The following SLC25A48 variants were observed in gnomAD, a reference collection of about 807,000 sequenced individuals.
The protein encoded by SLC25A48 is solute carrier family 25 member 48, also known as CTC-321K16.1.
Under a neutral mutation model 32.2 loss-of-function variants are expected in SLC25A48, and 29 were observed. The ratio of observed to expected loss-of-function variants is 0.90; its 90% CI spans 0.67 to 1.23. The LOEUF is 1.23. Ranked by LOEUF, SLC25A48 falls within the 50% of genes most tolerant of loss-of-function variation. The pLI, the probability that SLC25A48 is intolerant of heterozygous loss-of-function variation, is 0.00. For missense variants in SLC25A48, 399 were observed against 422.7 expected (o/e 0.94, Z 0.49); for synonymous variants, 164 against 172.3 (o/e 0.95, Z 0.38).
intron 3 of SLC25A48, among the ~76,000 whole-genome samples, chr5:135,677,241 C>G (rs1753793028): frequency 6.6e-6 from 1 of 152,026 alleles, no homozygotes. Flanking sequence ...TTTTATCAGA[C>G]ATAAGTAAAG....
chr5:135,804,732 C>A (rs189231026), intron 3 of SLC25A48, among the ~76,000 whole-genome samples: 22 of 151,360 alleles, frequency 1.5e-4, no homozygotes, highest in Admixed American at 1.5e-3. Flanking sequence ...ATATATTACT[C>A]AATATCACAG....
chr5:135,605,921 C>T (rs1201403912), intron 1 of SLC25A48, among the ~76,000 whole-genome samples: 11 of 152,140 alleles, frequency 7.2e-5, no homozygotes, highest in Non-Finnish European at 1.2e-4. Flanking sequence ...TACATGTTAC[C>T]TATTATTTTC....
intron 3 of SLC25A48, among the ~76,000 whole-genome samples, chr5:135,811,377 T>G (rs1580904805): frequency 6.6e-6 from 1 of 152,094 alleles, no homozygotes; most frequent in African/African-American, 2.4e-5. Context: ...ATCGAATTCA[T>G]AAAAGCACCG....
intron 1 of SLC25A48, among the ~76,000 whole-genome samples, chr5:135,610,145 A>C (rs1752031532): frequency 6.6e-6 from 1 of 152,190 alleles, no homozygotes; most frequent in African/African-American, 2.4e-5. Context: ...CAGCTCCAGC[A>C]TGGAGAGCCC....
At chr5:135,671,457 A>T (rs537419708) in intron 3 of SLC25A48, among the ~76,000 whole-genome samples, 1 of 152,284 alleles carries the variant, frequency 6.6e-6, no homozygotes, top group Admixed American at 6.5e-5. Flanking sequence ...AATATGCTGT[A>T]TGTGAGAGGT....
chr5:135,751,249 G>A (rs975274126), intron 3 of SLC25A48, among the ~76,000 whole-genome samples: 1 of 152,104 alleles, frequency 6.6e-6, no homozygotes, highest in Non-Finnish European at 1.5e-5. Context: ...CCTTCTCCTG[G>A]GCCTGCAACA....
chr5:135,876,824 C>T (rs867154228), intron 6 of SLC25A48, among the ~76,000 whole-genome samples: 103 of 152,260 alleles, frequency 6.8e-4, no homozygotes, highest in African/African-American at 2.1e-3. Flanking sequence ...TTCTGGCAGC[C>T]GCAGCAGGAG....
At chr5:135,784,900 A>G (rs1314176734) in intron 3 of SLC25A48, among the ~76,000 whole-genome samples, 1 of 119,186 alleles carries the variant, frequency 8.4e-6, no homozygotes. Flanking sequence ...ATTACAAGCA[A>G]TATTACAAGG....
chr5:135,732,732 G>T (rs936353622), intron 3 of SLC25A48, among the ~76,000 whole-genome samples: 10 of 152,134 alleles, frequency 6.6e-5, no homozygotes, highest in Non-Finnish European at 1.2e-4. Context: ...TATTTTCCTT[G>T]GTGCAAGAAC....
chr5:135,836,001 C>T (rs1428264624), intron 1 of SLC25A48, among the ~76,000 whole-genome samples: 1 of 152,224 alleles, frequency 6.6e-6, no homozygotes, highest in Non-Finnish European at 1.5e-5. Context: ...TAGGGGGCTG[C>T]AGCCTGAGGC....
rs1013739637 is a variant in SLC25A48 at position 135,665,627 on chromosome 5, G to A, written c.-521+30671G>A. 7.2e-5 allele frequency among the ~76,000 whole-genome samples: 11 copies of A among 152,106 alleles called. No homozygotes were observed. In the East Asian group the frequency reaches 7.7e-4, roughly 11 times the overall value. The stretch of plus-strand genomic sequence containing the variant: ...TTGTATAAGGTGAGAGATAGGGATC[G>A]CGTTTTACATGTGGCTAGCAAGTTT... On this transcript the variant is annotated intron_variant, in intron 3 of 10. Coordinates refer to the SLC25A48 transcript ENST00000646290.
intron 3 of SLC25A48, among the ~76,000 whole-genome samples, chr5:135,677,755 T>C (rs1374127709): frequency 2.0e-5 from 3 of 152,214 alleles, no homozygotes; most frequent in African/African-American, 4.8e-5. Flanking sequence ...AAAATTTTTA[T>C]TTGTCCTTCA....
At chr5:135,684,757 C>T (rs1753977678) in intron 3 of SLC25A48, among the ~76,000 whole-genome samples, 1 of 152,200 alleles carries the variant, frequency 6.6e-6, no homozygotes, top group South Asian at 2.1e-4. Context: ...TTTCACATAA[C>T]TGCATAAACT....
At chr5:135,679,360 G>C (rs1457162957) in intron 3 of SLC25A48, among the ~76,000 whole-genome samples, 7 of 152,190 alleles carry the variant, frequency 4.6e-5, no homozygotes, top group African/African-American at 1.7e-4. Flanking sequence ...GGGCCGAGCT[G>C]GGCCAGGTGG....
intron 7 of SLC25A48, among the ~76,000 whole-genome samples, chr5:135,880,863 C>A (rs1195599198): frequency 6.6e-6 from 1 of 152,200 alleles, no homozygotes; most frequent in Non-Finnish European, 1.5e-5. Context: ...GCCATCCAGG[C>A]TGTAGAAGTC....
At chr5:135,642,754 C>T (rs530924447) in intron 3 of SLC25A48, among the ~76,000 whole-genome samples, 1 of 152,210 alleles carries the variant, frequency 6.6e-6, no homozygotes, top group East Asian at 1.9e-4. Flanking sequence ...GCTACGATCT[C>T]ATAGAAACTC....
At chr5:135,681,073 C>G (rs1753886662) in intron 3 of SLC25A48, among the ~76,000 whole-genome samples, 1 of 152,194 alleles carries the variant, frequency 6.6e-6, no homozygotes, top group African/African-American at 2.4e-5. Flanking sequence ...GCAACCTCTG[C>G]CTCCCATGTT....
At chr5:135,742,926 C>T (rs903912585) in intron 3 of SLC25A48, among the ~76,000 whole-genome samples, 21 of 148,752 alleles carry the variant, frequency 1.4e-4, no homozygotes, top group African/African-American at 5.2e-4. Flanking sequence ...GGACAAAATC[C>T]CCCAGGGACA....
chr5:135,779,148 C>T (rs1194193019), intron 3 of SLC25A48, among the ~76,000 whole-genome samples: 1 of 151,746 alleles, frequency 6.6e-6, no homozygotes, highest in African/African-American at 2.4e-5. Flanking sequence ...TACACCCACC[C>T]CCTCTGTGAT....
Sources: gnomAD v4.1 joint callset for allele counts (sites outside exome capture counted in the v4.1 genomes callset) on GRCh38, gnomAD v4.1.1 for gene constraint, MANE v1.5 for transcripts, NCBI Gene and HGNC (gene_info 2026-07-23, HGNC 2026-07-21) for gene names.